The following ARFRP1 variants were observed in gnomAD, a reference collection of about 807,000 sequenced individuals.
The protein encoded by ARFRP1 is ARF related protein 1, also known as ADP-ribosylation factor-related protein 1.
In ARFRP1, 19 loss-of-function variants were observed where a neutral mutation model predicts 30.3. The ratio of observed to expected loss-of-function variants is 0.63; its 90% CI spans 0.44 to 0.92. The LOEUF (loss-of-function observed/expected upper bound fraction) is 0.92, where lower values mean the gene tolerates loss of function less well. Among genes scored for constraint, ARFRP1 ranks in the 40% least tolerant of loss-of-function variants. The probability of loss-of-function intolerance (pLI) is 0.00; values close to 1 mark genes in which losing one functional copy is unlikely to be tolerated. For missense variants in ARFRP1, 245 were observed against 267.5 expected, an observed-to-expected ratio of 0.92 and a Z score of 0.59; for synonymous variants, 133 against 114.2, an observed-to-expected ratio of 1.16 and a Z score of -1.05.
chr20:63,700,150 C>T lies in ARFRP1; in HGVS notation c.*293G>A, dbSNP rs972677072. 40 of 434,214 alleles carry T rather than the reference C, an allele frequency of 9.2e-5. No individual in the cohort carries two copies. In the East Asian group the frequency reaches 1.9e-3, roughly 21 times the overall value. 26.9% of individuals were successfully genotyped at this position (434,214 alleles called of 1,614,324 possible). ...TGAGCACTGGAGCCCCAATTCCCAA[C>T]CAGGTCTCCCTCAGACCCCCCAGAA... On this transcript the variant is annotated 3_prime_UTR_variant, in exon 8 of 8. Transcript: ENST00000622789.
chr20:63,702,430 C>G (rs1601249471), intron 4 of ARFRP1: 2 of 574,086 alleles, frequency 3.5e-6, no homozygotes, highest in Non-Finnish European at 6.2e-6. Context: ...CTGCCGGCAA[C>G]CTTTGGCCTG....
At chr20:63,701,486 C>T in intron 6 of ARFRP1, 1 of 497,400 alleles carries the variant, frequency 2.0e-6, no homozygotes. Flanking sequence ...CCACCAGGGC[C>T]CCAGCATCAC....
At chr20:63,706,578 C>T (rs996729557) in intron 3 of ARFRP1, 73 bp downstream of exon 3, 93 of 1,526,182 alleles carry the variant, frequency 6.1e-5, no homozygotes, top group African/African-American at 5.5e-5. Flanking sequence ...GCTGTGGCCA[C>T]GGGCCAGCTG....
rs2091520707 is a variant in ARFRP1 at position 63,707,161 on chromosome 20, A to C, written c.-6-64T>G. On this transcript the variant is annotated intron_variant, in intron 1 of 7. Transcript: ENST00000622789. Reference sequence around the variant, plus strand: ...CACCTCCCCTCCCCCGGGCTTCTCCACGGTGGTCAGTGGCGCCCCACGTCC... The same window carrying C: ...CACCTCCCCTCCCCCGGGCTTCTCCCCGGTGGTCAGTGGCGCCCCACGTCC... The C allele has an allele frequency of 4.1e-6, 6 of 1,455,370 alleles. No individual in the cohort carries two copies. The East Asian group carries it at 1.5e-4, about 36-fold the overall frequency. 90.2% of individuals were successfully genotyped at this position (1,455,370 alleles called of 1,614,324 possible). A position where few individuals can be genotyped will look rare whatever the true frequency, so the allele number is the denominator to read the frequency against.
At chr20:63,706,511 G>A (rs1269376504) in intron 3 of ARFRP1, 72 bp from the exon 4 acceptor site, 3 of 1,554,424 alleles carry the variant, frequency 1.9e-6, no homozygotes, top group Non-Finnish European at 2.7e-6. Flanking sequence ...CTCTCCCAGG[G>A]GATGGGGCAA....
intron 6 of ARFRP1, chr20:63,701,563 G>A (rs895651592): frequency 5.1e-5 from 30 of 583,206 alleles, no homozygotes; most frequent in East Asian, 4.3e-4. Flanking sequence ...AGACACGGCC[G>A]CCCTCCTGGG....
At chr20:63,702,349 C>T (rs1422570919) in intron 4 of ARFRP1, 132 bp from the exon 5 acceptor site, 2 of 821,730 alleles carry the variant, frequency 2.4e-6, no homozygotes, top group African/African-American at 1.7e-5. Flanking sequence ...AACTGCAAGA[C>T]CCTTCTGGGA....
chr20:63,702,629 G>A (rs1163291472), intron 4 of ARFRP1: 1 of 205,332 alleles, frequency 4.9e-6, no homozygotes, highest in East Asian at 1.5e-4. Context: ...AGCTACTCGG[G>A]AGGCTGAGGT....
chr20:63,703,177 T>C (rs1015112940), intron 4 of ARFRP1: 17 of 152,268 alleles, frequency 1.1e-4, no homozygotes, highest in African/African-American at 4.1e-4. Context: ...TAGAACTGGA[T>C]GCTGACCAGG....
chr20:63,706,895 A>G, intron 2 of ARFRP1, 104 bp downstream of exon 2: 1 of 1,392,470 alleles, frequency 7.2e-7, no homozygotes, highest in Non-Finnish European at 1.0e-6. Flanking sequence ...TCTCAGGTGA[A>G]ATTTGGCTTC....
At chr20:63,703,421 C>A (rs575248489) in intron 4 of ARFRP1, 1 of 152,514 alleles carries the variant, frequency 6.6e-6, no homozygotes, top group South Asian at 2.1e-4. Flanking sequence ...CCCCCCCACC[C>A]CCAGGAACTT....
intron 6 of ARFRP1, 121 bp downstream of exon 6, chr20:63,701,709 T>G (rs896212460): frequency 6.7e-6 from 6 of 890,868 alleles, no homozygotes; most frequent in Non-Finnish European, 1.0e-5. Context: ...GCCTTGAGAA[T>G]GGCTCTGTAC....
chr20:63,702,288 C>A, intron 4 of ARFRP1, 71 bp from the exon 5 acceptor site: 2 of 1,448,512 alleles, frequency 1.4e-6, no homozygotes, highest in Admixed American at 1.8e-5. Flanking sequence ...AGGCCTGTGT[C>A]ATGGCCACAG....
chr20:63,706,425 C>A lies in ARFRP1; in HGVS notation c.196G>T (p.Val66Leu). The A allele has an allele frequency of 6.2e-7, 1 of 1,613,440 alleles. No individual in the cohort carries two copies. The highest frequency in any genetic ancestry group is 8.5e-7 in the Non-Finnish European group (1 of 1,180,020). ...TVGLNIGTVD[V>L]GKARLMFWDL... is the part of the protein sequence containing the mutation. ...CAGAACATGAGCCGAGCCTTTCCCA[C>A]ATCCACAGTGCCGACTGGGGAGAGG... The change falls in exon 4 of 8, where the codon GTG becomes TTG. Residue 66 changes from valine to leucine, a missense_variant. By Grantham distance (32) the Val-to-Leu change is conservative (BLOSUM62 1). Coordinates refer to ENST00000622789, the MANE Select transcript of ARFRP1 (RefSeq NM_001267547.3).
chr20:63,701,205 T>A (rs1417058286), intron 6 of ARFRP1: 2 of 528,674 alleles, frequency 3.8e-6, no homozygotes, highest in Admixed American at 2.0e-5. Flanking sequence ...GTCCCTCTTG[T>A]CGGCTGAGAT....
rs773355649 is a variant in ARFRP1, at chr20:63,706,346, G to A, written c.264+11C>T. 6.2e-7 allele frequency: 1 copy of A among 1,612,038 alleles called. No homozygotes were observed. Among genetic ancestry groups the A allele is most frequent in the Non-Finnish European group, 8.5e-7 (1 of 1,179,026 alleles). On this transcript the variant is annotated intron_variant, in intron 4 of 7. Coordinates refer to ENST00000622789, the MANE Select transcript of ARFRP1 (RefSeq NM_001267547.3). ...GCTGGGGTGGGGGTGGTCCTGGCCA[G>A]GGAGTCTTACCTTGTCCCACAAAGA...
chr20:63,703,452 C>G (rs990257891), intron 4 of ARFRP1: 109 of 152,236 alleles, frequency 7.2e-4, no homozygotes, highest in African/African-American at 2.6e-3. Flanking sequence ...AGAGGAGGCC[C>G]AAGGCCAGGC....
chr20:63,702,221 G>T lies in ARFRP1; in HGVS notation c.265-4C>A, dbSNP rs763841531. 1 of 1,611,332 alleles carries T rather than the reference G, an allele frequency of 6.2e-7. No individual in the cohort carries two copies. On this transcript the variant is annotated splice_region_variant and splice_polypyrimidine_tract_variant and intron_variant, in intron 4 of 7. Transcript: ENST00000622789. ...CGCCGTGACACTCCGCATAATACTG[G>T]GAGGAAGCACCAGGAGTTGGGGCTC...
At chr20:63,701,675 G>C (rs1038481154) in intron 6 of ARFRP1, 155 bp downstream of exon 6, 1 of 696,550 alleles carries the variant, frequency 1.4e-6, no homozygotes, top group African/African-American at 1.8e-5. Context: ...AACCAGGCTT[G>C]GGAAGCTGCT....
Sources: gnomAD v4.1 joint callset for allele counts on GRCh38, gnomAD v4.1.1 for gene constraint, MANE v1.5 for transcripts, NCBI Gene and HGNC (gene_info 2026-07-23, HGNC 2026-07-21) for gene names.